SETD5: variants seen among roughly 807,000 people sequenced by gnomAD.
SETD5 encodes SET domain containing 5.
A neutral mutation model predicts 153.3 loss-of-function variants in SETD5; 44 were observed. The ratio of observed to expected loss-of-function variants is 0.29; its 90% CI spans 0.23 to 0.37. SETD5 has a LOEUF of 0.37. Ranked by LOEUF, SETD5 falls within the 10% of genes least tolerant of loss-of-function variation. SETD5 has a pLI of 1.00. For synonymous variants in SETD5, 716 were observed against 645.2 expected, an observed-to-expected ratio of 1.11 and a Z score of -1.66; for missense variants, 1,544 against 1,768.0, an observed-to-expected ratio of 0.87 and a Z score of 2.27.
rs567206042 is a variant in SETD5 at position 9,437,082 on chromosome 3, T to G, written c.567+1176T>G. ...TGGCCATTTTCTGAAATATTTTCCC[T>G]TTCTGTAATCAGCCTTCATTGATTG... On this transcript the variant is annotated intron_variant, in intron 7 of 22. Transcript: ENST00000402198. Among the ~76,000 whole-genome samples, 4 of 152,342 alleles carry G rather than the reference T, an allele frequency of 2.6e-5. No homozygotes were observed. The East Asian group carries it at 7.7e-4, about 29-fold the overall frequency.
chr3:9,399,862 G>A (rs1170770554), intron 1 of SETD5, among the ~76,000 whole-genome samples: 2 of 151,350 alleles, frequency 1.3e-5, no homozygotes, highest in Non-Finnish European at 2.9e-5. Flanking sequence ...TAAGGAGTGG[G>A]GGTGGGGTAA....
At position 9,464,426 on chromosome 3, in the gene SETD5, C is replaced by T. The variant is rs1462808778; in HGVS notation, c.2478C>T (p.Asp826=). ...TCATCCAAGCTTTGTGTTTCACAGA[C>T]TTGTTGAGCCCATTAAAGAAATGGA... is the stretch of plus-strand genomic sequence containing the variant. The part of the protein sequence containing the change: ...SSSSICKDNA[D]LLSPLKKWKS... Residue 826 remains aspartate (D), a splice_region_variant and synonymous_variant, in exon 18 of 23, where the codon GAC becomes GAT. Transcript: ENST00000402198. The T allele has an allele frequency of 6.2e-7, 1 of 1,607,964 alleles. No homozygotes were observed. The highest frequency in any genetic ancestry group is 1.7e-5 in the Admixed American group (1 of 59,904).
Position 9,439,390 on chromosome 3 carries a change from G to C in SETD5, c.568-1066G>C, listed in dbSNP as rs535149669. Among the ~76,000 whole-genome samples the C allele has an allele frequency of 1.3e-5, 2 of 152,350 alleles. 1 individual carries two copies. The highest frequency in any genetic ancestry group is 4.1e-4 in the South Asian group (2 of 4,830). On this transcript the variant is annotated intron_variant, in intron 7 of 22. Coordinates refer to ENST00000402198, the MANE Select transcript of SETD5 (RefSeq NM_001080517.3). The stretch of plus-strand genomic sequence containing the variant: ...AGTGATGCAAAAGTGGTAAAAGAAA[G>C]TGTTATGATAAGCATCAGTGTTTTC...
In SETD5 at chr3:9,447,772, G is replaced by A. The variant is rs1422145788; in HGVS notation, c.1869G>A (p.Arg623=). Residue 623 remains arginine, a synonymous_variant, in exon 15 of 23, where the codon AGG becomes AGA. Coordinates refer to ENST00000402198, the MANE Select transcript of SETD5 (RefSeq NM_001080517.3). The stretch of plus-strand genomic sequence containing the variant: ...CGAAGAGTCGAATTTCTCGGTACAG[G>A]ACCAGTTCAGCCCAAAGACTAAAGC... ...PRPKSRISRY[R]TSSAQRLKRQ... is the part of the protein sequence containing the mutation. 1.9e-6 allele frequency: 3 copies of A among 1,614,006 alleles called. No homozygotes were observed. Among genetic ancestry groups the A allele is most frequent in the South Asian group, 1.1e-5 (1 of 91,078 alleles).
At chr3:9,442,371 A>ATATTTCAT in intron 10 of SETD5, 126 bp downstream of exon 10, 1 of 707,742 alleles carries the variant, frequency 1.4e-6, no homozygotes, top group East Asian at 2.7e-5. Flanking sequence ...TCATCGTGGG[A>ATATTTCAT]GGTGAAAAAC....
rs1419836422 is a variant in SETD5, at chr3:9,456,831, CTGGGCATGG to C, written c.2476+2967_2476+2975del. The stretch of plus-strand genomic sequence containing the variant: ...CTACTAAAAATACAAAAAAAATTAG[CTGGGCATGG>C]TGGCATGCACCTGTAGTCCCAGCTA... On this transcript the variant is annotated intron_variant, in intron 17 of 22. Coordinates refer to ENST00000402198, the MANE Select transcript of SETD5 (RefSeq NM_001080517.3). Among the ~76,000 whole-genome samples, 8 of 152,066 alleles carry C rather than the reference CTGGGCATGG, an allele frequency of 5.3e-5. No individual in the cohort carries two copies. In the South Asian group the frequency reaches 1.2e-3, roughly 24 times the overall value.
chr3:9,401,406 T>C lies in SETD5; in HGVS notation c.-177+3429T>C, dbSNP rs2034756220. ...CCTTTTGTGCTCTTGATATTATCATTTTTTAGAGGATCATACAGGCCCTTT... is the reference window on the plus strand; with the variant it reads ...CCTTTTGTGCTCTTGATATTATCATCTTTTAGAGGATCATACAGGCCCTTT... On this transcript the variant is annotated intron_variant, in intron 1 of 22. Transcript: ENST00000402198. Among the ~76,000 whole-genome samples the C allele has an allele frequency of 2.0e-5, 3 of 152,238 alleles. 1 individual carries two copies. Among genetic ancestry groups the C allele is most frequent in the Non-Finnish European group, 4.4e-5 (3 of 68,028 alleles).
At position 9,445,499 on chromosome 3, in the gene SETD5, TA is replaced by T; in HGVS notation, c.1441-157del. The T allele has an allele frequency of 7.0e-6, 6 of 863,276 alleles. No individual in the cohort carries two copies. The South Asian group carries it at 1.1e-4, about 15-fold the overall frequency. The allele number at this position is 863,276 out of a possible 1,614,324, so 53.5% of individuals were successfully genotyped here. A position where few individuals can be genotyped will look rare whatever the true frequency, so the allele number is the denominator to read the frequency against. On this transcript the variant is annotated intron_variant, in intron 12 of 22. Coordinates refer to ENST00000402198, the MANE Select transcript of SETD5 (RefSeq NM_001080517.3). ...CCTTTGCTGGTTTTGCACCAGAGAA[TA>T]GGGGTTAGTTATCATCTGTGTTTAC... is the stretch of plus-strand genomic sequence containing the variant.
intron 1 of SETD5, among the ~76,000 whole-genome samples, chr3:9,406,936 C>T (rs1209433249): frequency 6.6e-6 from 1 of 152,088 alleles, no homozygotes; most frequent in East Asian, 1.9e-4. Flanking sequence ...AGGTAGTCAC[C>T]TTATTGGTGG....
chr3:9,460,447 T>A (rs1204011317), intron 17 of SETD5, among the ~76,000 whole-genome samples: 2 of 151,528 alleles, frequency 1.3e-5, no homozygotes, highest in African/African-American at 2.4e-5. Flanking sequence ...TTTTTTTTTT[T>A]AATAGTATGA....
At chr3:9,453,662 T>C (rs2042887000) in intron 16 of SETD5, 77 bp from the exon 17 acceptor site, 4 of 1,370,392 alleles carry the variant, frequency 2.9e-6, no homozygotes, top group Non-Finnish European at 3.0e-6. Context: ...CACTCACCAG[T>C]TGATGTACAT....
At chr3:9,470,438 C>T (rs372726375) in intron 18 of SETD5, 21 bp from the exon 19 acceptor site, 59 of 1,589,814 alleles carry the variant, frequency 3.7e-5, no homozygotes, top group South Asian at 3.4e-4. Context: ...CCCATGTCTC[C>T]GTTGATTTTT....
intron 1 of SETD5, among the ~76,000 whole-genome samples, chr3:9,407,430 G>T (rs1390908574): frequency 2.0e-5 from 3 of 152,176 alleles, no homozygotes; most frequent in African/African-American, 7.2e-5. Context: ...AGAGAAGGAA[G>T]GCTCTAGGTA....
chr3:9,425,200 T>TTCAG (rs2038997747), intron 2 of SETD5, among the ~76,000 whole-genome samples: 1 of 151,108 alleles, frequency 6.6e-6, no homozygotes, highest in African/African-American at 2.4e-5. Flanking sequence ...TAGCTGGGAT[T>TTCAG]ACAGGCGTCC....
chr3:9,474,593 G>A lies in SETD5; in HGVS notation c.3631+11G>A. 1 of 1,613,072 alleles carries A rather than the reference G, an allele frequency of 6.2e-7. No homozygotes were observed. ...CAGAGAAAGACTCAGGTGAGCCCAT[G>A]GCCTTCTGCTGCCACCACATTCAGG... On this transcript the variant is annotated intron_variant, in intron 21 of 22. Transcript: ENST00000402198.
intron 1 of SETD5, among the ~76,000 whole-genome samples, chr3:9,424,265 G>A (rs906073057): frequency 2.6e-5 from 4 of 152,064 alleles, no homozygotes; most frequent in African/African-American, 9.7e-5. Context: ...CTACCATCTC[G>A]TTTCTGGCTT....
intron 18 of SETD5, chr3:9,468,630 A>C: frequency 7.7e-7 from 1 of 1,291,900 alleles, no homozygotes. Flanking sequence ...GTGTTCATGA[A>C]TGTGTTCCTG....
rs116168886 is a variant in SETD5 at position 9,474,700 on chromosome 3, G to A, written c.3631+118G>A. On this transcript the variant is annotated intron_variant, in intron 21 of 22. Transcript: ENST00000402198. ...GTTTCTGATGCAGTTGGGCTCCACC[G>A]CATGCTAGGTTCCAGCCCACTTATG... The A allele has an allele frequency of 1.0e-3, 1,446 of 1,389,566 alleles. 14 individuals are homozygous for A. The African/African-American group carries it at 0.019, about 18-fold the overall frequency. 86.1% of individuals were successfully genotyped at this position (1,389,566 alleles called of 1,614,324 possible).
chr3:9,443,131 C>G (rs2041510732), intron 10 of SETD5, 177 bp from the exon 11 acceptor site: 1 of 530,548 alleles, frequency 1.9e-6, no homozygotes, highest in Non-Finnish European at 3.4e-6. Context: ...AATTTTCAAG[C>G]CAGTGCAGTA....
Sources: allele counts gnomAD v4.1 joint callset (sites outside exome capture counted in the v4.1 genomes callset), GRCh38; gene constraint gnomAD v4.1.1; transcripts MANE v1.5; gene names NCBI Gene and HGNC (gene_info 2026-07-23, HGNC 2026-07-21).